Variants in GLYATL3 observed in about 807,000 individuals in gnomAD.
GLYATL3 encodes the protein glycine N-acyltransferase-like protein 3.
A neutral mutation model predicts 28.5 loss-of-function variants in GLYATL3; 31 were observed. The observed-to-expected ratio is 1.09, with a 90% CI of 0.82 to 1.47. The LOEUF (loss-of-function observed/expected upper bound fraction) is 1.47, where lower values mean the gene tolerates loss of function less well. Ranked by LOEUF, GLYATL3 falls within the 40% of genes most tolerant of loss-of-function variation. GLYATL3 has a pLI of 0.00. For missense variants in GLYATL3, 369 were observed against 351.5 expected (o/e 1.05, Z -0.40); for synonymous variants, 141 against 140.2 (o/e 1.01, Z -0.04).
intron 4 of GLYATL3, among the ~76,000 whole-genome samples, chr6:49,518,747 T>C: frequency 6.6e-6 from 1 of 152,126 alleles, no homozygotes; most frequent in East Asian, 1.9e-4. Flanking sequence ...GAGACCATTC[T>C]GGCTAACACG....
At chr6:49,517,341 C>T in intron 3 of GLYATL3, 89 bp from the exon 4 acceptor site, 1 of 1,153,424 alleles carries the variant, frequency 8.7e-7, no homozygotes, top group Non-Finnish European at 1.2e-6. Context: ...ATTAGCTAGA[C>T]ATGTCCAGCT....
intron 5 of GLYATL3, among the ~76,000 whole-genome samples, chr6:49,523,775 T>C (rs1017178041): frequency 6.6e-6 from 1 of 152,236 alleles, no homozygotes; most frequent in African/African-American, 2.4e-5. Context: ...TACATAGACC[T>C]CTTTAATACA....
At chr6:49,500,475 T>C (rs1397207119) in intron 1 of GLYATL3, among the ~76,000 whole-genome samples, 1 of 152,118 alleles carries the variant, frequency 6.6e-6, no homozygotes, top group Admixed American at 6.6e-5. Context: ...AAAACAGAGA[T>C]CTTATGTTTT....
chr6:49,508,651 C>T (rs1013147164), intron 1 of GLYATL3, among the ~76,000 whole-genome samples: 12 of 152,156 alleles, frequency 7.9e-5, no homozygotes, highest in African/African-American at 1.2e-4. Flanking sequence ...ATCTTGGTGA[C>T]GTGAAACCTC....
At chr6:49,515,597 A>G (rs1465926075) in intron 2 of GLYATL3, 56 bp from the exon 3 acceptor site, 2 of 956,094 alleles carry the variant, frequency 2.1e-6, no homozygotes, top group Non-Finnish European at 3.3e-6. Flanking sequence ...AGACGATAAT[A>G]TGTGAGTGAA....
rs1370302677 is a variant in GLYATL3, at chr6:49,511,954, T to C, written c.-28-9T>C. 1 of 1,017,222 alleles carries C rather than the reference T, an allele frequency of 9.8e-7. No homozygotes were observed. The allele number at this position is 1,017,222 out of a possible 1,614,324, so 63.0% of individuals were successfully genotyped here. On this transcript the variant is annotated splice_polypyrimidine_tract_variant and intron_variant, in intron 1 of 5. Transcript: ENST00000371197. ...AAAATTAAATGCCTACCTTCAAGTT[T>C]CTAATTAGGTGTGGAGTTGCAAGAG... is the stretch of plus-strand genomic sequence containing the variant.
At chr6:49,509,954 C>CTT (rs1769085363) in intron 1 of GLYATL3, among the ~76,000 whole-genome samples, 2 of 58,222 alleles carry the variant, frequency 3.4e-5, no homozygotes, top group African/African-American at 8.1e-5. Flanking sequence ...CTTTCTCTTT[C>CTT]TTTCTTTCTT....
Position 49,517,470 on chromosome 6 carries a change from C to T in GLYATL3, c.227C>T (p.Ala76Val). Reference protein sequence around the residue: ...DNLDHYTNAYAVFYKDVRAYR... With the variant: ...DNLDHYTNAYVVFYKDVRAYR... ...CTTGATCATTATACTAATGCCTATGCTGTGTTCTACAAGGATGTCAGGGCT... is the reference window on the plus strand; with the variant it reads ...CTTGATCATTATACTAATGCCTATGTTGTGTTCTACAAGGATGTCAGGGCT... The change falls in exon 4 of 6, where the codon GCT becomes GTT. Residue 76 changes from alanine to valine, a missense_variant. Coordinates refer to ENST00000371197, the MANE Select transcript of GLYATL3 (RefSeq NM_001010904.2). The T allele has an allele frequency of 1.3e-6, 2 of 1,548,908 alleles. 1 individual carries two copies. Among genetic ancestry groups the T allele is most frequent in the South Asian group, 2.4e-5 (2 of 83,686 alleles).
At chr6:49,506,359 T>C (rs897562036) in intron 1 of GLYATL3, among the ~76,000 whole-genome samples, 3 of 152,230 alleles carry the variant, frequency 2.0e-5, no homozygotes, top group Non-Finnish European at 4.4e-5. Context: ...TCAGATAGGT[T>C]GTAACACAGT....
intron 3 of GLYATL3, among the ~76,000 whole-genome samples, chr6:49,516,409 G>T (rs1287636617): frequency 1.3e-5 from 2 of 152,054 alleles, no homozygotes; most frequent in African/African-American, 4.8e-5. Flanking sequence ...CTGGGTGAAT[G>T]ATTCCTTATG....
chr6:49,510,692 T>G (rs1463200128), intron 1 of GLYATL3, among the ~76,000 whole-genome samples: 16 of 152,228 alleles, frequency 1.1e-4, no homozygotes, highest in Admixed American at 1.0e-3. Flanking sequence ...TTTGCCATCC[T>G]GAAGTCTGGA....
intron 2 of GLYATL3, among the ~76,000 whole-genome samples, chr6:49,514,148 G>A (rs530923607): frequency 6.6e-6 from 1 of 152,018 alleles, no homozygotes; most frequent in African/African-American, 2.4e-5. Flanking sequence ...TACTTTTGAC[G>A]TCACTCCTTC....
Position 49,517,448 on chromosome 6 carries a change from G to A in GLYATL3, c.205G>A (p.Asp69Asn), listed in dbSNP as rs267601060. Reference sequence around the variant, plus strand: ...GTCCTAGGCTGAGACAGATAACCTTGATCATTATACTAATGCCTATGCTGT... The same window carrying A: ...GTCCTAGGCTGAGACAGATAACCTTAATCATTATACTAATGCCTATGCTGT... ...RQREAETDNL[D>N]HYTNAYAVFY... is the part of the protein sequence containing the mutation. The change falls in exon 4 of 6, where the codon GAT becomes AAT. Residue 69 changes from aspartate (D) to asparagine (N), a missense_variant. Coordinates refer to ENST00000371197, the MANE Select transcript of GLYATL3 (RefSeq NM_001010904.2). The A allele has an allele frequency of 1.3e-6, 2 of 1,544,008 alleles. No homozygotes were observed. The highest frequency in any genetic ancestry group is 2.5e-5 in the East Asian group (1 of 40,496).
chr6:49,523,956 G>C (rs1769358132), intron 5 of GLYATL3, among the ~76,000 whole-genome samples: 1 of 150,746 alleles, frequency 6.6e-6, no homozygotes, highest in African/African-American at 2.4e-5. Context: ...CTTTTGAAAT[G>C]GGGTTTTAAC....
intron 4 of GLYATL3, among the ~76,000 whole-genome samples, chr6:49,518,936 A>G (rs1313072752): frequency 2.1e-5 from 3 of 142,750 alleles, no homozygotes; most frequent in Non-Finnish European, 4.8e-5. Flanking sequence ...GCGAGACTCC[A>G]TCTCAAAAAA....
At chr6:49,507,053 C>T (rs1349692594) in intron 1 of GLYATL3, among the ~76,000 whole-genome samples, 2 of 152,082 alleles carry the variant, frequency 1.3e-5, no homozygotes, top group African/African-American at 4.8e-5. Context: ...GAAGAGTTAA[C>T]ATATACAGGT....
chr6:49,512,218 G>A (rs913731208), intron 2 of GLYATL3, 150 bp downstream of exon 2: 2 of 416,904 alleles, frequency 4.8e-6, no homozygotes. Context: ...CCTCCTGCTA[G>A]AGACAGATTG....
Position 49,527,698 on chromosome 6 carries a change from C to A in GLYATL3, c.*784C>A, listed in dbSNP as rs1265585467. On this transcript the variant is annotated 3_prime_UTR_variant, in exon 6 of 6. Transcript: ENST00000371197. ...CCATAGAACTAGACTTTACCTATAA[C>A]CTATTTCAGCCCCCTTATTTATAGT... 1.3e-5 allele frequency among the ~76,000 whole-genome samples: 2 copies of A among 152,104 alleles called. No homozygotes were observed. Among genetic ancestry groups the A allele is most frequent in the Non-Finnish European group, 1.5e-5 (1 of 68,028 alleles).
intron 2 of GLYATL3, among the ~76,000 whole-genome samples, chr6:49,512,941 T>C (rs1769150207): frequency 6.6e-6 from 1 of 152,186 alleles, no homozygotes; most frequent in South Asian, 2.1e-4. Context: ...AACGAAAATA[T>C]GAATAAGAAT....
Sources: gnomAD v4.1 joint callset for allele counts (sites outside exome capture counted in the v4.1 genomes callset) on GRCh38, gnomAD v4.1.1 for gene constraint, MANE v1.5 for transcripts, NCBI Gene and HGNC (gene_info 2026-07-23, HGNC 2026-07-21) for gene names.